KIF1B: variants seen among roughly 807,000 people sequenced by gnomAD.
KIF1B encodes the protein kinesin family member 1B.
Under a neutral mutation model 241.9 loss-of-function variants are expected in KIF1B, and 76 were observed. The ratio of observed to expected loss-of-function variants is 0.31; its 90% CI spans 0.26 to 0.38. The LOEUF (loss-of-function observed/expected upper bound fraction) is 0.38. Ranked by LOEUF, KIF1B falls within the 10% of genes least tolerant of loss-of-function variation. The probability of loss-of-function intolerance (pLI) is 1.00; values close to 1 mark genes in which losing one functional copy is unlikely to be tolerated. For missense variants in KIF1B, 1,622 were observed against 2,271.4 expected (o/e 0.71, Z 5.81); for synonymous variants, 750 against 796.7 (o/e 0.94, Z 0.99).
At chr1:10,223,446 C>T (rs1646870083) in intron 1 of KIF1B, among the ~76,000 whole-genome samples, 1 of 151,230 alleles carries the variant, frequency 6.6e-6, no homozygotes, top group Non-Finnish European at 1.5e-5. Flanking sequence ...GACAGAATAA[C>T]TTTCTGTAGT....
At chr1:10,292,431 A>C in intron 17 of KIF1B, 2 of 327,262 alleles carry the variant, frequency 6.1e-6, no homozygotes, top group South Asian at 6.2e-5. Flanking sequence ...AGCCTAACCT[A>C]GCGTACTTTC....
Position 10,337,176 on chromosome 1 carries a change from G to A in KIF1B, c.3232G>A (p.Glu1078Lys). 1 of 1,614,188 alleles carries A rather than the reference G, an allele frequency of 6.2e-7. No individual in the cohort carries two copies. The highest frequency in any genetic ancestry group is 1.3e-5 in the African/African-American group (1 of 75,048). ...GQSSEVITPP[E>K]EISRINDLDL... ...GAGTTCTGAGGTCATCACTCCTCCA[G>A]AAGAAATCAGTCGAATTAATGACTT... Residue 1078 changes from glutamate (E) to lysine (K), a missense_variant, in exon 30 of 49, where the codon GAA becomes AAA. Around this residue, in one of 7 missense-constraint regions of KIF1B, gnomAD observed 803 missense variants for 1,112.0 expected, o/e 0.72. Transcript: ENST00000676179. The surrounding 1 kb of genome is among the most constrained non-coding windows in gnomAD (Gnocchi z 4.0).
rs773576155 is a variant in KIF1B at position 10,296,945 on chromosome 1, C to A, written c.1910C>A (p.Pro637Gln). ...GKNHVFRFNH[P>Q]EQARAEREKT... is the part of the protein sequence containing the mutation. ...AACCATGTTTTCCGCTTTAACCACC[C>A]GGAACAAGCACGAGCTGAGCGAGAG... is the stretch of plus-strand genomic sequence containing the variant. Residue 637 changes from proline to glutamine, a missense_variant, in exon 21 of 49, where the codon CCG becomes CAG. Physicochemically the swap from Pro to Gln is moderately conservative, Grantham distance 76. Around this residue, in one of 7 missense-constraint regions of KIF1B, gnomAD observed 803 missense variants for 1,112.0 expected, o/e 0.72. Coordinates refer to ENST00000676179, the MANE Select transcript of KIF1B (RefSeq NM_001365951.3). The A allele has an allele frequency of 6.2e-7, 1 of 1,613,968 alleles. No homozygotes were observed. The highest frequency in any genetic ancestry group is 1.7e-5 in the Admixed American group (1 of 59,992).
chr1:10,316,473 A>G (rs952496485), intron 22 of KIF1B, among the ~76,000 whole-genome samples: 1 of 151,252 alleles, frequency 6.6e-6, no homozygotes, highest in Non-Finnish European at 1.5e-5. Flanking sequence ...CTTTTACTCA[A>G]TTATTTTAGC....
chr1:10,298,348 G>A (rs1041464831), intron 22 of KIF1B, among the ~76,000 whole-genome samples: 1 of 152,204 alleles, frequency 6.6e-6, no homozygotes, highest in Non-Finnish European at 1.5e-5. Flanking sequence ...GGCCAGAAAC[G>A]TGAAGGACTT....
At chr1:10,221,151 G>A (rs1015369168) in intron 1 of KIF1B, among the ~76,000 whole-genome samples, 4 of 133,664 alleles carry the variant, frequency 3.0e-5, no homozygotes, top group Non-Finnish European at 6.2e-5. Flanking sequence ...AGGCTGGAGT[G>A]TAATGGTGCG....
chr1:10,278,117 A>G lies in KIF1B; in HGVS notation c.1169A>G (p.Asp390Gly). ...KDLLRAQGLG[D>G]IIDIDPLIDD... ...CTTCTTCGTGCTCAGGGCCTGGGAG[A>G]TATTATTGATAGTAAGTGAATTAAG... The change falls in exon 13 of 49, where the codon GAT (aspartate) becomes GGT (glycine). Residue 390 changes from aspartate (D) to glycine (G), a missense_variant. Physicochemically the swap from Asp to Gly is moderately conservative, Grantham distance 94. This residue lies in a region of KIF1B where 201 missense variants were observed against 301.2 expected (regional missense o/e 0.67). Coordinates refer to ENST00000676179, the MANE Select transcript of KIF1B (RefSeq NM_001365951.3). The G allele has an allele frequency of 1.2e-6, 2 of 1,613,960 alleles. No individual in the cohort carries two copies. The highest frequency in any genetic ancestry group is 1.1e-5 in the South Asian group (1 of 91,080).
chr1:10,341,621 T>G (rs905240144), intron 32 of KIF1B, among the ~76,000 whole-genome samples: 1 of 152,216 alleles, frequency 6.6e-6, no homozygotes, highest in Non-Finnish European at 1.5e-5. Context: ...ATCCCCTGTT[T>G]TTTGTTGCAA....
At chr1:10,212,880 A>C (rs538659762) in intron 1 of KIF1B, among the ~76,000 whole-genome samples, 2 of 113,898 alleles carry the variant, frequency 1.8e-5, no homozygotes, top group African/African-American at 6.3e-5. Context: ...GTGTGTGTGC[A>C]TGCGTGTGTG....
chr1:10,350,221 A>G (rs148343153), intron 37 of KIF1B, among the ~76,000 whole-genome samples: 2,086 of 151,264 alleles, frequency 0.014, 44 homozygotes, highest in East Asian at 0.029. Flanking sequence ...CCTGGGAGAC[A>G]GAGGTTGCAG....
At chr1:10,256,409 A>G (rs190804411) in intron 3 of KIF1B, 86 bp downstream of exon 3, 3 of 929,264 alleles carry the variant, frequency 3.2e-6, no homozygotes, top group Admixed American at 1.7e-5. Context: ...AGCTGAGCAG[A>G]TCCAAGTTTT....
In KIF1B at chr1:10,374,794, C is replaced by A; in HGVS notation, c.5097-60C>A. ...CCTAAGTGTGGCGTATTTTGATGGT[C>A]CTCAGCACGATTATTTTCTTTTTGT... On this transcript the variant is annotated intron_variant, in intron 46 of 48. Transcript: ENST00000676179. The surrounding 1 kb of genome is among the most constrained non-coding windows in gnomAD (Gnocchi z 4.3). The A allele has an allele frequency of 6.6e-7, 1 of 1,513,924 alleles. No individual in the cohort carries two copies. Among genetic ancestry groups the A allele is most frequent in the South Asian group, 1.1e-5 (1 of 88,280 alleles). The allele number at this position is 1,513,924 out of a possible 1,614,324, so 93.8% of individuals were successfully genotyped here. A position where few individuals can be genotyped will look rare whatever the true frequency, so the allele number is the denominator to read the frequency against.
At chr1:10,306,957 G>A (rs1173232056) in intron 22 of KIF1B, 1 of 1,041,684 alleles carries the variant, frequency 9.6e-7, no homozygotes, top group Non-Finnish European at 1.2e-6. Flanking sequence ...GTAGAATGAA[G>A]AGTTGTATAA....
chr1:10,380,303 C>T lies in KIF1B; in HGVS notation c.*3716C>T, dbSNP rs756198031. 3.8e-5 allele frequency: 8 copies of T among 210,302 alleles called. No homozygotes were observed. Among genetic ancestry groups the T allele is most frequent in the East Asian group, 7.2e-5 (1 of 13,962 alleles). 13.0% of individuals were successfully genotyped at this position (210,302 alleles called of 1,614,324 possible). A position where few individuals can be genotyped will look rare whatever the true frequency, so the allele number is the denominator to read the frequency against. ...ATCGGTACTCTTTCTGCATTTCCCT[C>T]GTGCTGTGTCCCGCTCGGGTTCCAA... is the stretch of plus-strand genomic sequence containing the variant. On this transcript the variant is annotated 3_prime_UTR_variant, in exon 49 of 49. Coordinates refer to ENST00000676179, the MANE Select transcript of KIF1B (RefSeq NM_001365951.3).
At position 10,308,265 on chromosome 1, in the gene KIF1B, A is replaced by G. The variant is rs1388458383; in HGVS notation, c.2115+11019A>G. On this transcript the variant is annotated intron_variant, in intron 22 of 48. Coordinates refer to ENST00000676179, the MANE Select transcript of KIF1B (RefSeq NM_001365951.3). Reference sequence around the variant, plus strand: ...AGTGCAAAACAAGCATTTGTCCTGTACTGTTAGAGCCAAAATTGTGATGAG... The same window carrying G: ...AGTGCAAAACAAGCATTTGTCCTGTGCTGTTAGAGCCAAAATTGTGATGAG... 3.8e-6 allele frequency: 4 copies of G among 1,060,424 alleles called. No individual in the cohort carries two copies. The East Asian group carries it at 2.1e-4, about 54-fold the overall frequency. The allele number at this position is 1,060,424 out of a possible 1,614,324, so 65.7% of individuals were successfully genotyped here.
intron 27 of KIF1B, among the ~76,000 whole-genome samples, chr1:10,327,977 A>G (rs547305198): frequency 6.6e-6 from 1 of 152,280 alleles, no homozygotes; most frequent in Admixed American, 6.5e-5. Context: ...GGCTGAGGCC[A>G]GAAGTTTGAG....
intron 32 of KIF1B, among the ~76,000 whole-genome samples, chr1:10,340,737 C>G (rs1395361041): frequency 6.6e-6 from 1 of 152,098 alleles, no homozygotes; most frequent in Non-Finnish European, 1.5e-5. Context: ...GATTGTGCCA[C>G]TGCACTCCAG....
At chr1:10,213,924 A>G (rs1258363970) in intron 1 of KIF1B, among the ~76,000 whole-genome samples, 1 of 151,860 alleles carries the variant, frequency 6.6e-6, no homozygotes, top group Non-Finnish European at 1.5e-5. Context: ...ATTGCTTCAC[A>G]TCAAGAGTTT....
In KIF1B at chr1:10,378,037, C is replaced by T; in HGVS notation, c.*1450C>T. 5.2e-6 allele frequency: 2 copies of T among 384,782 alleles called. No homozygotes were observed. The highest frequency in any genetic ancestry group is 9.4e-6 in the Non-Finnish European group (2 of 212,698). The allele number at this position is 384,782 out of a possible 1,614,324, so 23.8% of individuals were successfully genotyped here. On this transcript the variant is annotated 3_prime_UTR_variant, in exon 49 of 49. Transcript: ENST00000676179. ...TTTCAGGCATAAACCTGGAAGTCTC[C>T]CTCTGAATCCAGCAGTTGTTTTCAT...
Sources: gnomAD v4.1 joint callset for allele counts (sites outside exome capture counted in the v4.1 genomes callset) on GRCh38, gnomAD v4.1.1 for gene constraint, gnomAD v4.1.1 regional missense constraint, Gnocchi (gnomAD v3.1) non-coding constraint, MANE v1.5 for transcripts, NCBI Gene and HGNC (gene_info 2026-07-23, HGNC 2026-07-21) for gene names.